Variants in XKR6 observed in about 807,000 individuals in gnomAD.
The protein encoded by XKR6 is XK-related protein 6.
XKR6 carries 22 observed loss-of-function variants against 56.7 expected under a neutral mutation model. The observed-to-expected ratio is 0.39, with a 90% CI of 0.28 to 0.55. The LOEUF (loss-of-function observed/expected upper bound fraction) is 0.55. XKR6 is among the 20% of genes least tolerant of loss of function. The probability of loss-of-function intolerance (pLI) is 0.66; values close to 1 mark genes in which losing one functional copy is unlikely to be tolerated. For missense variants in XKR6, 852 were observed against 889.0 expected, an observed-to-expected ratio of 0.96 and a Z score of 0.53; for synonymous variants, 524 against 387.8, an observed-to-expected ratio of 1.35 and a Z score of -4.13.
chr8:11,198,589 C>G (rs577725268), intron 1 of XKR6, among the ~76,000 whole-genome samples: 1 of 152,050 alleles, frequency 6.6e-6, no homozygotes, highest in African/African-American at 2.4e-5. Flanking sequence ...TTTCAGTTTG[C>G]CCTAAAATCT....
At position 11,162,729 on chromosome 8, in the gene XKR6, G is replaced by C. The variant is rs902950724; in HGVS notation, c.764+37847C>G. Among the ~76,000 whole-genome samples the C allele has an allele frequency of 6.6e-5, 10 of 152,346 alleles. No individual in the cohort carries two copies. In the South Asian group the frequency reaches 8.3e-4, roughly 13 times the overall value. On this transcript the variant is annotated intron_variant, in intron 1 of 2. Coordinates refer to ENST00000416569, the MANE Select transcript of XKR6 (RefSeq NM_173683.4). Reference sequence around the variant, plus strand: ...AAAGGCCTACTGGTTAACCCAGTAAGGCACTGAACCTCCAGGTTTTAAGAC... The same window carrying C: ...AAAGGCCTACTGGTTAACCCAGTAACGCACTGAACCTCCAGGTTTTAAGAC...
intron 1 of XKR6, among the ~76,000 whole-genome samples, chr8:10,964,982 A>T (rs546351925): frequency 5.3e-5 from 8 of 152,308 alleles, no homozygotes; most frequent in Non-Finnish European, 8.8e-5. Context: ...TCCACTAGGG[A>T]TCCAACCCTC....
At chr8:10,900,121 T>C (rs1388061751) in intron 2 of XKR6, among the ~76,000 whole-genome samples, 1 of 152,144 alleles carries the variant, frequency 6.6e-6, no homozygotes, top group East Asian at 1.9e-4. Flanking sequence ...CCGAATGCTG[T>C]CCCACTGGCA....
chr8:10,974,466 C>T (rs1802495473), intron 1 of XKR6, among the ~76,000 whole-genome samples: 1 of 152,176 alleles, frequency 6.6e-6, no homozygotes. Context: ...CTACCATCTC[C>T]CTGACCAATC....
intron 1 of XKR6, among the ~76,000 whole-genome samples, chr8:11,161,307 C>G (rs1431345008): frequency 6.6e-6 from 1 of 152,172 alleles, no homozygotes; most frequent in African/African-American, 2.4e-5. Flanking sequence ...AAGTCTTCTA[C>G]TCCTTCAAGT....
intron 1 of XKR6, among the ~76,000 whole-genome samples, chr8:11,079,881 C>G (rs748189025): frequency 4.6e-5 from 7 of 152,120 alleles, no homozygotes; most frequent in Admixed American, 6.5e-5. Flanking sequence ...GCAGGAGGAT[C>G]ACTTGAACCC....
chr8:10,938,399 T>A (rs1244288460), intron 1 of XKR6, among the ~76,000 whole-genome samples: 1 of 152,220 alleles, frequency 6.6e-6, no homozygotes, highest in Non-Finnish European at 1.5e-5. Context: ...GCGGAGCTGT[T>A]CCTATTCGGC....
chr8:10,990,235 G>T (rs553743363), intron 1 of XKR6, among the ~76,000 whole-genome samples: 1 of 152,204 alleles, frequency 6.6e-6, no homozygotes, highest in Non-Finnish European at 1.5e-5. Flanking sequence ...GTACAAACGC[G>T]TCTCTATCCA....
intron 1 of XKR6, among the ~76,000 whole-genome samples, chr8:11,023,800 G>A (rs960134266): frequency 2.6e-5 from 4 of 152,228 alleles, no homozygotes; most frequent in Admixed American, 6.5e-5. Context: ...CTGCGGTGCT[G>A]ACTGTCCCCT....
At position 10,911,358 on chromosome 8, in the gene XKR6, T is replaced by C. The variant is rs1800359186; in HGVS notation, c.962-12442A>G. Among the ~76,000 whole-genome samples the C allele has an allele frequency of 2.1e-5, 3 of 140,176 alleles. No individual in the cohort carries two copies. The South Asian group carries it at 6.6e-4, about 31-fold the overall frequency. 92.0% of individuals were successfully genotyped at this position (140,176 alleles called of 152,430 possible). On this transcript the variant is annotated intron_variant, in intron 2 of 2. Coordinates refer to ENST00000416569, the MANE Select transcript of XKR6 (RefSeq NM_173683.4). ...ATATATATGTGTGTGTGTGTGTGTA[T>C]ATATATATATATAGACAGAGAGGGA...
intron 1 of XKR6, among the ~76,000 whole-genome samples, chr8:11,011,654 G>A (rs1798501089): frequency 6.6e-6 from 1 of 152,208 alleles, no homozygotes; most frequent in Admixed American, 6.5e-5. Context: ...AAGTGTTGCA[G>A]AGAAGGATAG....
At chr8:10,951,178 C>A (rs55718932) in intron 1 of XKR6, among the ~76,000 whole-genome samples, 2 of 152,094 alleles carry the variant, frequency 1.3e-5, no homozygotes, top group Non-Finnish European at 2.9e-5. Context: ...GCCCTTGGAA[C>A]TCAGTTTCCA....
intron 1 of XKR6, among the ~76,000 whole-genome samples, chr8:11,136,354 A>AT (rs1385709195): frequency 6.6e-6 from 1 of 152,242 alleles, no homozygotes; most frequent in Admixed American, 6.5e-5. Flanking sequence ...TCTACTAAAA[A>AT]TTAGCTGGGT....
chr8:11,159,633 A>C (rs1010514158), intron 1 of XKR6, among the ~76,000 whole-genome samples: 6 of 152,242 alleles, frequency 3.9e-5, no homozygotes, highest in African/African-American at 1.4e-4. Context: ...GAAACTCTTC[A>C]GGTGGGGCCT....
chr8:11,079,944 G>C (rs1194861277), intron 1 of XKR6, among the ~76,000 whole-genome samples: 1 of 151,690 alleles, frequency 6.6e-6, no homozygotes, highest in Non-Finnish European at 1.5e-5. Flanking sequence ...CTCCAACCTG[G>C]GCAACAGAGT....
Position 11,077,050 on chromosome 8 carries a change from C to G in XKR6, c.764+123526G>C, listed in dbSNP as rs536656124. 7.4e-4 allele frequency among the ~76,000 whole-genome samples: 106 copies of G among 142,726 alleles called. 1 individual carries two copies. Among genetic ancestry groups the G allele is most frequent in the African/African-American group, 2.8e-3 (104 of 36,638 alleles). 93.6% of individuals were successfully genotyped at this position (142,726 alleles called of 152,430 possible). A position where few individuals can be genotyped will look rare whatever the true frequency, so the allele number is the denominator to read the frequency against. ...ATTAGCTGGGCATGGTGGCACATGC[C>G]TGTAGTCCCAAGCTACTCAAGAGGC... On this transcript the variant is annotated intron_variant, in intron 1 of 2. Coordinates refer to ENST00000416569, the MANE Select transcript of XKR6 (RefSeq NM_173683.4).
At chr8:11,133,320 G>A (rs375107214) in intron 1 of XKR6, among the ~76,000 whole-genome samples, 2 of 152,114 alleles carry the variant, frequency 1.3e-5, no homozygotes, top group Non-Finnish European at 2.9e-5. Flanking sequence ...GAGGCAAGGT[G>A]GAAGTGCACT....
chr8:11,176,155 T>TA (rs954500766), intron 1 of XKR6, among the ~76,000 whole-genome samples: 33 of 152,316 alleles, frequency 2.2e-4, no homozygotes, highest in African/African-American at 7.7e-4. Context: ...AAAACACCTT[T>TA]ACAAATTATC....
rs1358445152 is a variant in XKR6, at chr8:10,965,823, G to A, written c.765-40993C>T. On this transcript the variant is annotated intron_variant, in intron 1 of 2. Transcript: ENST00000416569. ...CTTCCGACCGTTCACACAACGGAGA[G>A]GAGCTCATGATTCATCTGGCCCGGG... Among the ~76,000 whole-genome samples the A allele has an allele frequency of 4.6e-5, 7 of 152,232 alleles. 1 individual carries two copies. The highest frequency in any genetic ancestry group is 1.0e-4 in the Non-Finnish European group (7 of 68,046).
Sources: gnomAD v4.1 joint callset for allele counts (sites outside exome capture counted in the v4.1 genomes callset) on GRCh38, gnomAD v4.1.1 for gene constraint, MANE v1.5 for transcripts, NCBI Gene and HGNC (gene_info 2026-07-23, HGNC 2026-07-21) for gene names.